The following DIDO1 variants were observed in gnomAD, a reference collection of about 807,000 sequenced individuals.
The protein encoded by DIDO1 is death inducer-obliterator 1.
Under a neutral mutation model 99.4 loss-of-function variants are expected in DIDO1, and 16 were observed. The ratio of observed to expected loss-of-function variants is 0.16; its 90% CI spans 0.11 to 0.24. The LOEUF (loss-of-function observed/expected upper bound fraction) is 0.24, where lower values mean the gene tolerates loss of function less well. DIDO1 is among the 10% of genes least tolerant of loss of function. The pLI is 1.00. For synonymous variants in DIDO1, 1,366 were observed against 1,239.1 expected (o/e 1.10, Z -2.15); for missense variants, 2,996 against 3,014.0 (o/e 0.99, Z 0.14).
chr20:62,927,594 G>A (rs919631152), upstream of DIDO1, among the ~76,000 whole-genome samples: 7 of 152,368 alleles, frequency 4.6e-5, no homozygotes, highest in South Asian at 1.4e-3. Flanking sequence ...TGGAAGCATG[G>A]ACCATCTAGC....
chr20:62,937,598 C>T (rs1447224100), intron 1 of DIDO1, among the ~76,000 whole-genome samples: 1 of 152,216 alleles, frequency 6.6e-6, no homozygotes, highest in African/African-American at 2.4e-5. Flanking sequence ...CTCGCTTCAA[C>T]GCGCAGACAG....
rs964951098 is a variant in DIDO1, at chr20:62,888,076, G to T, written c.3541+2884C>A. On this transcript the variant is annotated intron_variant, in intron 15 of 15. Transcript: ENST00000395343. ...ACTCTCACTGCCCGACAAGGGCCAA[G>T]TGCTGACAGGGCGGGTGACTTAAGT... 21 of 985,490 alleles carry T rather than the reference G, an allele frequency of 2.1e-5. No individual in the cohort carries two copies. In the African/African-American group the frequency reaches 3.3e-4, roughly 16 times the overall value. The allele number at this position is 985,490 out of a possible 1,614,324, so 61.0% of individuals were successfully genotyped here. A position where few individuals can be genotyped will look rare whatever the true frequency, so the allele number is the denominator to read the frequency against.
At chr20:62,893,465 A>T (rs2064441677) in intron 12 of DIDO1, among the ~76,000 whole-genome samples, 1 of 152,272 alleles carries the variant, frequency 6.6e-6, no homozygotes, top group African/African-American at 2.4e-5. Flanking sequence ...GATGAGCACA[A>T]ATTTAAATGT....
rs745766447 is a variant in DIDO1, at chr20:62,880,597, C to A, written c.5359G>T (p.Ala1787Ser). Residue 1787 changes from alanine to serine, a missense_variant, in exon 16 of 16, where the codon GCT (alanine) becomes TCT (serine). Physicochemically the swap from Ala to Ser is moderately conservative, Grantham distance 99. Transcript: ENST00000395343. ...GGCCCTCGTGGCCCATCGTTAGAAG[C>A]GATATTCTCTTCTGGAAACGGAGGG... ...PAPPFPEENIASNDGPRGPPP... is the reference protein window; with the variant it reads ...PAPPFPEENISSNDGPRGPPP... The A allele has an allele frequency of 1.2e-6, 2 of 1,612,772 alleles. No homozygotes were observed. The highest frequency in any genetic ancestry group is 2.7e-5 in the African/African-American group (2 of 74,946).
Position 62,881,963 on chromosome 20 carries a change from G to A in DIDO1, c.3993C>T (p.Ser1331=), listed in dbSNP as rs138473301. The change falls in exon 16 of 16, where the codon TCC becomes TCT. Residue 1331 remains serine (S), a synonymous_variant. Coordinates refer to ENST00000395343, the MANE Select transcript of DIDO1 (RefSeq NM_001193369.2). This position sits in a 1 kb window ranked among gnomAD's most constrained non-coding sequence, Gnocchi z 8.3. ...LFGKKKSFDP[S]AREPPGSTAG... is the part of the protein sequence containing the mutation. The stretch of plus-strand genomic sequence containing the variant: ...CGGTGGACCCGGGAGGCTCTCTGGC[G>A]GACGGGTCGAATGATTTCTTCTTTC... 11 of 1,613,264 alleles carry A rather than the reference G, an allele frequency of 6.8e-6. No homozygotes were observed. The highest frequency in any genetic ancestry group is 2.7e-5 in the African/African-American group (2 of 74,918).
chr20:62,928,548 C>T (rs1027855091), upstream of DIDO1: 2 of 152,156 alleles, frequency 1.3e-5, no homozygotes, highest in Non-Finnish European at 2.9e-5. Context: ...TGGGAGCTGC[C>T]CTCCCTGGTG....
At chr20:62,908,363 C>A (rs563802961) in intron 4 of DIDO1, among the ~76,000 whole-genome samples, 192 of 152,324 alleles carry the variant, frequency 1.3e-3, no homozygotes, top group African/African-American at 4.5e-3. Flanking sequence ...ACAGCCCCCG[C>A]TGCACCGTGA....
In DIDO1 at chr20:62,892,841, G is replaced by T; in HGVS notation, c.3223C>A (p.Pro1075Thr). ...SVAKFVTKAY[P>T]VSGCFDYLSE... is the part of the protein sequence containing the mutation. ...AGGTAATCAAAACACCCAGAGACAG[G>T]ATACGCCTTAGTGACAAATTTTGCC... Residue 1075 changes from proline to threonine, a missense_variant, in exon 13 of 16, where the codon CCT becomes ACT. Physicochemically the swap from Pro to Thr is conservative, Grantham distance 38. Transcript: ENST00000395343. 6.2e-7 allele frequency: 1 copy of T among 1,614,020 alleles called. No homozygotes were observed. The highest frequency in any genetic ancestry group is 8.5e-7 in the Non-Finnish European group (1 of 1,179,960).
chr20:62,909,770 G>A lies in DIDO1; in HGVS notation c.1090C>T (p.Gln364Ter), dbSNP rs2070276655. 6.2e-7 allele frequency: 1 copy of A among 1,614,198 alleles called. No homozygotes were observed. The highest frequency in any genetic ancestry group is 8.5e-7 in the Non-Finnish European group (1 of 1,180,042). Residue 364 changes from glutamine to a stop codon, truncating the protein, a stop_gained, in exon 4 of 16, where the codon CAA becomes TAA. Coordinates refer to ENST00000395343, the MANE Select transcript of DIDO1 (RefSeq NM_001193369.2). LOFTEE classifies it high-confidence loss of function. ...GTIEQKSSED[Q>*]GIKGRIEKAA... The stretch of plus-strand genomic sequence containing the variant: ...TTCTCAATTCTACCCTTTATCCCTT[G>A]GTCTTCGCTAGACTTCTGCTCTATT...
At chr20:62,907,709 T>C (rs552966168) in intron 4 of DIDO1, among the ~76,000 whole-genome samples, 1 of 152,298 alleles carries the variant, frequency 6.6e-6, no homozygotes, top group South Asian at 2.1e-4. Flanking sequence ...CTTCTTCAGA[T>C]GTAATTAAGG....
Position 62,879,644 on chromosome 20 carries a change from G to C in DIDO1, c.6312C>G (p.Asp2104Glu). The C allele has an allele frequency of 6.2e-7, 1 of 1,606,946 alleles. No homozygotes were observed. The highest frequency in any genetic ancestry group is 1.1e-5 in the South Asian group (1 of 91,086). Residue 2104 changes from aspartate to glutamate, a missense_variant, in exon 16 of 16, where the codon GAC becomes GAG. Physicochemically the swap from Asp to Glu is conservative, Grantham distance 45. Transcript: ENST00000395343. The surrounding 1 kb of genome is among the most constrained non-coding windows in gnomAD (Gnocchi z 6.3). ...TGTCCTCGGACGCCCGGCCCTGGGCGTCGGGCTCCTCCAGCGGCTTCTCTT... is the reference window on the plus strand; with the variant it reads ...TGTCCTCGGACGCCCGGCCCTGGGCCTCGGGCTCCTCCAGCGGCTTCTCTT... ...GPKEKPLEEP[D>E]AQGRASEDRR...
chr20:62,918,580 A>C (rs1054737836), intron 1 of DIDO1, among the ~76,000 whole-genome samples: 13 of 152,248 alleles, frequency 8.5e-5, no homozygotes, highest in African/African-American at 2.7e-4. Flanking sequence ...CTGACTTCTA[A>C]GCAAAAAGAT....
chr20:62,893,963 T>C lies in DIDO1; in HGVS notation c.2804A>G (p.Asp935Gly). ...CAGCGGGGAGGGCTCGGGATGGCCA[T>C]CTCCTGGAGGCCCAGGGAAATACGT... ...DRTYFPGPPG[D>G]GHPEPSPLED... is the part of the protein sequence containing the mutation. Residue 935 changes from aspartate (D) to glycine (G), a missense_variant, in exon 12 of 16, where the codon GAT becomes GGT. Asp to Gly is a moderately conservative substitution (Grantham distance 94, BLOSUM62 -1). This residue lies in a region of DIDO1 where 898 missense variants were observed against 972.7 expected (regional missense o/e 0.92). Transcript: ENST00000395343. 6.2e-7 allele frequency: 1 copy of C among 1,612,608 alleles called. No homozygotes were observed. The highest frequency in any genetic ancestry group is 8.5e-7 in the Non-Finnish European group (1 of 1,178,770).
Position 62,911,565 on chromosome 20 carries a change from G to A in DIDO1, c.48C>T (p.Ile16=), listed in dbSNP as rs1014411797. The A allele has an allele frequency of 6.2e-7, 1 of 1,608,958 alleles. No homozygotes were observed. Among genetic ancestry groups the A allele is most frequent in the South Asian group, 1.1e-5 (1 of 90,074 alleles). ...TCCTGAACTCTTTGCTGGTGGGTTT[G>A]ATGGCCTTAGGTGCCTCCTCATTGC... ...DPSNEEAPKA[I]KPTSKEFRKT... Residue 16 remains isoleucine (I), a synonymous_variant, in exon 3 of 16, where the codon ATC becomes ATT. Transcript: ENST00000395343. This position sits in a 1 kb window ranked among gnomAD's most constrained non-coding sequence, Gnocchi z 7.0.
intron 6 of DIDO1, among the ~76,000 whole-genome samples, chr20:62,899,264 A>G (rs1378983599): frequency 6.6e-6 from 1 of 152,226 alleles, no homozygotes; most frequent in East Asian, 1.9e-4. Flanking sequence ...GAACTCTAAA[A>G]AAGCTGGCTG....
intron 1 of DIDO1, among the ~76,000 whole-genome samples, chr20:62,926,226 G>A (rs2065251072): frequency 6.7e-6 from 1 of 150,360 alleles, no homozygotes; most frequent in Non-Finnish European, 1.5e-5. Flanking sequence ...CGCGCCCCAG[G>A]CCGCGGCGGC....
At chr20:62,890,617 G>A (rs1474822320) in intron 15 of DIDO1, 6 of 1,173,922 alleles carry the variant, frequency 5.1e-6, no homozygotes, top group Admixed American at 4.0e-5. Flanking sequence ...CTAGAGGAAA[G>A]AGCAGGGCCG....
rs146714522 is a variant in DIDO1 at position 62,884,713 on chromosome 20, G to A, written c.3542-2299C>T. On this transcript the variant is annotated intron_variant, in intron 15 of 15. Coordinates refer to ENST00000395343, the MANE Select transcript of DIDO1 (RefSeq NM_001193369.2). ...CTGAGTTGGGACCAGCCTGCTCCACGGGACACTTCCTCCCTCCTGGAGAGA... is the reference window on the plus strand; with the variant it reads ...CTGAGTTGGGACCAGCCTGCTCCACAGGACACTTCCTCCCTCCTGGAGAGA... 2.6e-3 allele frequency among the ~76,000 whole-genome samples: 390 copies of A among 152,276 alleles called. 2 individuals are homozygous for A. The highest frequency in any genetic ancestry group is 8.5e-3 in the African/African-American group (352 of 41,550).
At position 62,896,918 on chromosome 20, in the gene DIDO1, G is replaced by A. The variant is rs144011942; in HGVS notation, c.1667C>T (p.Ala556Val). The A allele has an allele frequency of 1.7e-5, 27 of 1,613,948 alleles. No homozygotes were observed. The highest frequency in any genetic ancestry group is 1.2e-4 in the Admixed American group (7 of 59,994). The change falls in exon 7 of 16, where the codon GCG becomes GTG. Residue 556 changes from alanine (A) to valine (V), a missense_variant. Coordinates refer to ENST00000395343, the MANE Select transcript of DIDO1 (RefSeq NM_001193369.2). The surrounding 1 kb of genome is among the most constrained non-coding windows in gnomAD (Gnocchi z 4.4). ...TCTAGGTGCAGGCTGCTTGCCCACCGCGGAGCCTGGAGGGGCTGTTTTCTT... is the reference window on the plus strand; with the variant it reads ...TCTAGGTGCAGGCTGCTTGCCCACCACGGAGCCTGGAGGGGCTGTTTTCTT... ...ASKKTAPPGS[A>V]VGKQPAPRNL... is the part of the protein sequence containing the mutation.
Sources: allele counts gnomAD v4.1 joint callset (sites outside exome capture counted in the v4.1 genomes callset), GRCh38; gene constraint gnomAD v4.1.1; regional missense constraint gnomAD v4.1.1; non-coding constraint Gnocchi (gnomAD v3.1); transcripts MANE v1.5; gene names NCBI Gene and HGNC (gene_info 2026-07-23, HGNC 2026-07-21).